SLC14A2: variants seen among roughly 807,000 people sequenced by gnomAD.
The protein encoded by SLC14A2 is urea transporter 2.
SLC14A2 carries 91 observed loss-of-function variants against 104.6 expected under a neutral mutation model. That is an observed-to-expected ratio of 0.87 (90% CI 0.73 to 1.04). The LOEUF (loss-of-function observed/expected upper bound fraction) is 1.04, where lower values mean the gene tolerates loss of function less well. Ranked by LOEUF, SLC14A2 falls within the 50% of genes least tolerant of loss-of-function variation. The pLI is 0.00. For missense variants in SLC14A2, 1,189 were observed against 1,156.0 expected, an observed-to-expected ratio of 1.03 and a Z score of -0.41; for synonymous variants, 476 against 466.4, an observed-to-expected ratio of 1.02 and a Z score of -0.27.
intron 10 of SLC14A2, among the ~76,000 whole-genome samples, chr18:45,660,588 C>T (rs534433067): frequency 3.4e-4 from 52 of 152,324 alleles, no homozygotes; most frequent in African/African-American, 1.3e-3. Context: ...GTCAACCCTA[C>T]AGGGTCTGTA....
At chr18:45,198,795 C>G in the SLC14A2 span, among the ~76,000 whole-genome samples, 2 of 152,000 alleles carry the variant, frequency 1.3e-5, no homozygotes, top group Non-Finnish European at 2.9e-5. Context: ...CCTTAGATCT[C>G]CTCACTCTAA....
At chr18:45,180,152 AAG>A in the SLC14A2 span, among the ~76,000 whole-genome samples, 1 of 152,092 alleles carries the variant, frequency 6.6e-6, no homozygotes, top group Non-Finnish European at 1.5e-5. Flanking sequence ...CTGTCTGAAA[AAG>A]AGAAAAAAAC....
chr18:45,286,409 T>C (rs1235857303), intron 1 of SLC14A2, among the ~76,000 whole-genome samples: 1 of 152,210 alleles, frequency 6.6e-6, no homozygotes, highest in East Asian at 1.9e-4. Flanking sequence ...CATTTTATGG[T>C]GGCCTTTCTT....
intron 1 of SLC14A2, among the ~76,000 whole-genome samples, chr18:45,441,775 T>C (rs916569282): frequency 1.1e-4 from 17 of 152,176 alleles, no homozygotes; most frequent in Non-Finnish European, 1.0e-4. Flanking sequence ...ATTTGCTCTC[T>C]CAGAAACAAT....
intron 2 of SLC14A2, among the ~76,000 whole-genome samples, chr18:45,560,494 C>T (rs2044186657): frequency 6.6e-6 from 1 of 152,154 alleles, no homozygotes; most frequent in Non-Finnish European, 1.5e-5. Context: ...GAGCCTTCTA[C>T]TCCTCTAGGA....
intron 1 of SLC14A2, among the ~76,000 whole-genome samples, chr18:45,460,293 C>T (rs967810314): frequency 2.0e-5 from 3 of 152,186 alleles, no homozygotes; most frequent in Non-Finnish European, 2.9e-5. Flanking sequence ...GAATCACACA[C>T]TGACTCTTCA....
At chr18:45,507,761 G>A (rs1225586750) in intron 2 of SLC14A2, among the ~76,000 whole-genome samples, 1 of 152,164 alleles carries the variant, frequency 6.6e-6, no homozygotes, top group Non-Finnish European at 1.5e-5. Flanking sequence ...AATAAAATTG[G>A]CCAGTTGACA....
At chr18:45,386,008 G>C (rs79396587) in intron 1 of SLC14A2, among the ~76,000 whole-genome samples, 1,781 of 152,290 alleles carry the variant, frequency 0.012, 37 homozygotes, top group African/African-American at 0.041. Context: ...CAGGAGCTTA[G>C]GGTCTATTTG....
At chr18:45,378,943 G>A (rs2085804610) in intron 1 of SLC14A2, among the ~76,000 whole-genome samples, 1 of 152,120 alleles carries the variant, frequency 6.6e-6, no homozygotes, top group African/African-American at 2.4e-5. Flanking sequence ...CAGCCTTATG[G>A]TGAAAAGATA....
At chr18:45,582,056 G>A (rs2044500694) in intron 2 of SLC14A2, among the ~76,000 whole-genome samples, 2 of 152,204 alleles carry the variant, frequency 1.3e-5, no homozygotes, top group Non-Finnish European at 2.9e-5. Context: ...AGAGTGGCCT[G>A]AACAATGAGA....
chr18:45,595,082 TC>T (rs1472049966), intron 2 of SLC14A2, among the ~76,000 whole-genome samples: 5 of 152,170 alleles, frequency 3.3e-5, no homozygotes, highest in African/African-American at 1.2e-4. Flanking sequence ...AATCCAACCA[TC>T]TCATTTACTC....
intron 1 of SLC14A2, among the ~76,000 whole-genome samples, chr18:45,302,096 C>A (rs1036926694): frequency 6.6e-6 from 1 of 152,166 alleles, no homozygotes; most frequent in South Asian, 2.1e-4. Flanking sequence ...GTGTTGAAGT[C>A]TCCTGTCTCA....
chr18:45,349,765 C>T (rs978813902), intron 1 of SLC14A2, among the ~76,000 whole-genome samples: 7 of 152,124 alleles, frequency 4.6e-5, no homozygotes, highest in Admixed American at 3.3e-4. Context: ...AATTAAAAGG[C>T]AAGAAGTGGA....
intron 1 of SLC14A2, among the ~76,000 whole-genome samples, chr18:45,315,936 G>T (rs528849552): frequency 1.3e-5 from 2 of 152,182 alleles, no homozygotes; most frequent in Non-Finnish European, 2.9e-5. Flanking sequence ...TATAAATACC[G>T]CTGGGAGGGG....
At chr18:45,224,151 AG>A (rs1359754092) in intron 1 of SLC14A2, among the ~76,000 whole-genome samples, 9 of 152,354 alleles carry the variant, frequency 5.9e-5, no homozygotes, top group Non-Finnish European at 1.0e-4. Context: ...TTGAAGTGCG[AG>A]GGAGACCAAG....
At chr18:45,238,436 T>C (rs778203805) in intron 1 of SLC14A2, among the ~76,000 whole-genome samples, 2 of 152,186 alleles carry the variant, frequency 1.3e-5, no homozygotes, top group Non-Finnish European at 2.9e-5. Flanking sequence ...GTTGAAGACT[T>C]TGAGGGATTG....
intron 2 of SLC14A2, chr18:45,528,884 G>A (rs796156328): frequency 3.3e-5 from 5 of 152,208 alleles, no homozygotes; most frequent in African/African-American, 9.7e-5. Context: ...AATAAACTAT[G>A]TATGGTAAAC....
At chr18:45,326,847 A>AT (rs1200194625) in intron 1 of SLC14A2, among the ~76,000 whole-genome samples, 4 of 152,108 alleles carry the variant, frequency 2.6e-5, no homozygotes, top group Admixed American at 6.5e-5. Context: ...CCTAGACTGT[A>AT]TTTTTTAGTC....
At chr18:45,425,450 T>G (rs60785896) in intron 1 of SLC14A2, among the ~76,000 whole-genome samples, 3,439 of 152,304 alleles carry the variant, frequency 0.023, 142 homozygotes, top group African/African-American at 0.079. Flanking sequence ...TGATTCTGCA[T>G]GCTCCTCCAC....
Sources: allele counts gnomAD v4.1 joint callset (sites outside exome capture counted in the v4.1 genomes callset), GRCh38; gene constraint gnomAD v4.1.1; transcripts MANE v1.5; gene names NCBI Gene and HGNC (gene_info 2026-07-23, HGNC 2026-07-21).